Variants in CADM1 observed in about 807,000 individuals in gnomAD.
CADM1 encodes the protein cell adhesion molecule 1.
Under a neutral mutation model 53.1 loss-of-function variants are expected in CADM1, and 15 were observed. The ratio of observed to expected loss-of-function variants is 0.28; its 90% CI spans 0.19 to 0.44. CADM1 has a LOEUF of 0.44. CADM1 is among the 20% of genes least tolerant of loss of function. The pLI, the probability that CADM1 is intolerant of heterozygous loss-of-function variation, is 1.00. For synonymous variants in CADM1, 281 were observed against 243.0 expected (o/e 1.16, Z -1.45); for missense variants, 434 against 611.3 (o/e 0.71, Z 3.06).
At chr11:115,187,288 G>C (rs1939607206) in intron 10 of CADM1, among the ~76,000 whole-genome samples, 1 of 152,160 alleles carries the variant, frequency 6.6e-6, no homozygotes, top group African/African-American at 2.4e-5. Flanking sequence ...GCTACTGACA[G>C]TTTCTCACAC....
chr11:115,215,690 C>T lies in CADM1; in HGVS notation c.822-910G>A, dbSNP rs115497683. On this transcript the variant is annotated intron_variant, in intron 6 of 11. Transcript: ENST00000331581. ...TTCGCCAAAGCTAAAAATGCATACA[C>T]ACCAAGTATCTTTTGAAAACTTCCA... Among the ~76,000 whole-genome samples the T allele has an allele frequency of 4.9e-3, 743 of 152,312 alleles. 6 individuals are homozygous for T. Among genetic ancestry groups the T allele is most frequent in the African/African-American group, 0.017 (714 of 41,566 alleles).
chr11:115,371,459 T>A (rs940579315), intron 1 of CADM1, among the ~76,000 whole-genome samples: 1 of 150,912 alleles, frequency 6.6e-6, no homozygotes, highest in African/African-American at 2.4e-5. Context: ...GGAGATAAAC[T>A]GGAATAATAA....
intron 1 of CADM1, among the ~76,000 whole-genome samples, chr11:115,500,849 G>C (rs1949711960): frequency 6.6e-6 from 1 of 152,212 alleles, no homozygotes; most frequent in African/African-American, 2.4e-5. Context: ...AGAGTGTGGA[G>C]AGAGATGAGC....
chr11:115,320,638 T>C (rs544790976), intron 1 of CADM1, among the ~76,000 whole-genome samples: 23 of 152,074 alleles, frequency 1.5e-4, no homozygotes, highest in South Asian at 1.0e-3. Flanking sequence ...TGTTTAGACC[T>C]ACAGTTTTAT....
chr11:115,293,052 G>T (rs1456765572), intron 1 of CADM1, among the ~76,000 whole-genome samples: 1 of 152,136 alleles, frequency 6.6e-6, no homozygotes, highest in African/African-American at 2.4e-5. Flanking sequence ...AGCACAATTA[G>T]CCATCATTTA....
At chr11:115,434,544 G>A (rs1222163522) in intron 1 of CADM1, among the ~76,000 whole-genome samples, 1 of 152,084 alleles carries the variant, frequency 6.6e-6, no homozygotes. Context: ...CACCAGGACT[G>A]GTTTCTTTTA....
At chr11:115,280,049 T>A (rs1467448975) in intron 1 of CADM1, among the ~76,000 whole-genome samples, 2 of 152,166 alleles carry the variant, frequency 1.3e-5, no homozygotes, top group Non-Finnish European at 2.9e-5. Flanking sequence ...TTTAATCCAG[T>A]TAAATACATG....
At chr11:115,263,438 T>A (rs1475212097) in intron 1 of CADM1, among the ~76,000 whole-genome samples, 1 of 152,258 alleles carries the variant, frequency 6.6e-6, no homozygotes, top group Non-Finnish European at 1.5e-5. Flanking sequence ...AAACTTTCAC[T>A]TGTTAATTTT....
chr11:115,431,812 C>T (rs1948059493), intron 1 of CADM1, among the ~76,000 whole-genome samples: 1 of 152,058 alleles, frequency 6.6e-6, no homozygotes, highest in South Asian at 2.1e-4. Flanking sequence ...AGATCAAATG[C>T]TTTTGGTGCA....
intron 6 of CADM1, among the ~76,000 whole-genome samples, chr11:115,216,277 A>G (rs968823904): frequency 8.5e-5 from 13 of 152,390 alleles, no homozygotes; most frequent in African/African-American, 3.1e-4. Context: ...TGAAAGGAAC[A>G]AACAAATCCC....
chr11:115,431,343 T>C (rs1250671589), intron 1 of CADM1, among the ~76,000 whole-genome samples: 2 of 152,124 alleles, frequency 1.3e-5, no homozygotes, highest in Non-Finnish European at 2.9e-5. Flanking sequence ...ATAACACTTT[T>C]CAATTCCACC....
intron 1 of CADM1, among the ~76,000 whole-genome samples, chr11:115,480,752 C>T (rs759796923): frequency 6.6e-6 from 1 of 152,114 alleles, no homozygotes; most frequent in African/African-American, 2.4e-5. Flanking sequence ...CTGCACAGCT[C>T]CATCTCACCA....
intron 1 of CADM1, among the ~76,000 whole-genome samples, chr11:115,382,117 T>C (rs1163342800): frequency 6.6e-6 from 1 of 152,180 alleles, no homozygotes; most frequent in East Asian, 1.9e-4. Context: ...AGTGCTGGGA[T>C]TACAGGCGTG....
intron 1 of CADM1, among the ~76,000 whole-genome samples, chr11:115,436,040 G>T (rs1198170546): frequency 1.3e-5 from 2 of 152,176 alleles, no homozygotes; most frequent in Non-Finnish European, 2.9e-5. Context: ...CTGCAAGAGA[G>T]CTTACACTAA....
chr11:115,367,562 G>A (rs1215015086), intron 1 of CADM1, among the ~76,000 whole-genome samples: 1 of 151,952 alleles, frequency 6.6e-6, no homozygotes, highest in Non-Finnish European at 1.5e-5. Context: ...ACGAGAACAC[G>A]AATCCCACTG....
intron 1 of CADM1, among the ~76,000 whole-genome samples, chr11:115,364,978 T>C (rs1406241871): frequency 1.3e-5 from 2 of 152,216 alleles, no homozygotes; most frequent in Non-Finnish European, 2.9e-5. Flanking sequence ...CCTGTAGCTA[T>C]TTGTAGATGT....
chr11:115,286,968 C>G (rs1209198129), intron 1 of CADM1, among the ~76,000 whole-genome samples: 1 of 152,192 alleles, frequency 6.6e-6, no homozygotes, highest in Admixed American at 6.5e-5. Context: ...ATTTTTATAT[C>G]CCAAAATGCT....
At chr11:115,389,128 A>C (rs965423556) in intron 1 of CADM1, among the ~76,000 whole-genome samples, 1 of 152,138 alleles carries the variant, frequency 6.6e-6, no homozygotes. Context: ...AAGATAAAGA[A>C]GGAAGGAGTG....
chr11:115,340,626 T>TTA (rs869156485), intron 1 of CADM1, among the ~76,000 whole-genome samples: 579 of 48,210 alleles, frequency 0.012, 30 homozygotes, highest in East Asian at 0.032. Flanking sequence ...ATAATAAATA[T>TTA]TATATATATA....
Sources: gnomAD v4.1 joint callset for allele counts (sites outside exome capture counted in the v4.1 genomes callset) on GRCh38, gnomAD v4.1.1 for gene constraint, MANE v1.5 for transcripts, NCBI Gene and HGNC (gene_info 2026-07-23, HGNC 2026-07-21) for gene names.